The following DNAI2 variants were observed in gnomAD, a reference collection of about 807,000 sequenced individuals.
DNAI2 encodes dynein axonemal intermediate chain 2, also known as dynein, axonemal, intermediate polypeptide 2.
Under a neutral mutation model 74.7 loss-of-function variants are expected in DNAI2, and 63 were observed. The ratio of observed to expected loss-of-function variants is 0.84; its 90% CI spans 0.69 to 1.04. The LOEUF (loss-of-function observed/expected upper bound fraction) is 1.04, where lower values mean the gene tolerates loss of function less well. DNAI2 is among the 50% of genes least tolerant of loss of function. The pLI, the probability that DNAI2 is intolerant of heterozygous loss-of-function variation, is 0.00. For synonymous variants in DNAI2, 289 were observed against 314.9 expected (o/e 0.92, Z 0.87); for missense variants, 688 against 803.2 (o/e 0.86, Z 1.73).
chr17:74,281,761 G>C, intron 1 of DNAI2, 46 bp from the exon 2 acceptor site: 1 of 1,596,418 alleles, frequency 6.3e-7, no homozygotes, highest in South Asian at 1.1e-5. Context: ...AGATAGGGAA[G>C]GGGCCGGTGG....
chr17:74,279,911 C>T (rs549333712), intron 1 of DNAI2, among the ~76,000 whole-genome samples: 55 of 152,296 alleles, frequency 3.6e-4, no homozygotes, highest in African/African-American at 1.3e-3. Flanking sequence ...CCCACCAGCA[C>T]CAGCCACTCA....
intron 1 of DNAI2, among the ~76,000 whole-genome samples, chr17:74,274,863 G>C (rs888542006): frequency 7.9e-5 from 12 of 152,046 alleles, no homozygotes; most frequent in Non-Finnish European, 1.8e-4. Flanking sequence ...TCGTGTGATC[G>C]AGGTCATACA....
intron 8 of DNAI2, among the ~76,000 whole-genome samples, chr17:74,304,481 A>G (rs2053066093): frequency 6.6e-6 from 1 of 151,882 alleles, no homozygotes; most frequent in Admixed American, 6.6e-5. Context: ...AGAAGTTAAG[A>G]CAGAACAGTA....
intron 6 of DNAI2, among the ~76,000 whole-genome samples, chr17:74,293,619 G>A (rs562548558): frequency 3.1e-4 from 47 of 151,808 alleles, no homozygotes; most frequent in African/African-American, 1.1e-3. Context: ...CACGAGAATC[G>A]CTTGAACCTG....
At chr17:74,309,884 T>C in intron 10 of DNAI2, 133 bp from the exon 11 acceptor site, 2 of 1,205,570 alleles carry the variant, frequency 1.7e-6, no homozygotes, top group Non-Finnish European at 2.4e-6. Context: ...TTGAACTTCA[T>C]CCTGTGGGCA....
rs1170869234 is a variant in DNAI2, at chr17:74,292,824, T to C, written c.724+1691T>C. 2.7e-5 allele frequency among the ~76,000 whole-genome samples: 4 copies of C among 148,442 alleles called. No homozygotes were observed. In the South Asian group the frequency reaches 8.6e-4, roughly 32 times the overall value. ...AGACTATATTCTGCTTATTGTCCGG[T>C]GTAGTTTTCCTTTTTTTTTTTTTGG... On this transcript the variant is annotated intron_variant, in intron 6 of 13. Coordinates refer to ENST00000311014, the MANE Select transcript of DNAI2 (RefSeq NM_023036.6).
chr17:74,310,302 G>A (rs1273982899), intron 11 of DNAI2, 139 bp downstream of exon 11: 1 of 1,305,654 alleles, frequency 7.7e-7, no homozygotes, highest in South Asian at 1.3e-5. Flanking sequence ...GAAGCAGTGT[G>A]GGCTCCATAA....
chr17:74,309,536 C>A, intron 10 of DNAI2, 148 bp downstream of exon 10: 1 of 1,152,508 alleles, frequency 8.7e-7, no homozygotes, highest in Non-Finnish European at 1.3e-6. Context: ...AGGCTGACTG[C>A]AGCGATTGCT....
chr17:74,291,256 G>A (rs1389782447), intron 6 of DNAI2, 123 bp downstream of exon 6: 7 of 729,238 alleles, frequency 9.6e-6, no homozygotes, highest in Non-Finnish European at 1.4e-5. Context: ...CGCCTCCTGG[G>A]TTCAAGTGAT....
chr17:74,285,308 A>T, intron 3 of DNAI2, 107 bp downstream of exon 3: 4 of 1,413,870 alleles, frequency 2.8e-6, no homozygotes. Context: ...GGCTCGTGTG[A>T]ATGCTGGGGG....
intron 2 of DNAI2, among the ~76,000 whole-genome samples, chr17:74,284,771 T>C (rs1438367492): frequency 6.6e-6 from 1 of 152,166 alleles, no homozygotes; most frequent in Non-Finnish European, 1.5e-5. Flanking sequence ...TCTGGTCCAT[T>C]AGAATTCAGA....
intron 12 of DNAI2, among the ~76,000 whole-genome samples, chr17:74,312,510 GT>G (rs1010096782): frequency 5.9e-5 from 9 of 152,150 alleles, no homozygotes; most frequent in Non-Finnish European, 1.2e-4. Flanking sequence ...GAAAATGCGT[GT>G]TGAGTGACTG....
In DNAI2 at chr17:74,299,765, A is replaced by G. The variant is rs745364046; in HGVS notation, c.772A>G (p.Ile258Val). 1.9e-6 allele frequency: 3 copies of G among 1,604,012 alleles called. No homozygotes were observed. Among genetic ancestry groups the G allele is most frequent in the South Asian group, 1.1e-5 (1 of 90,556 alleles). ...KGSLVAELSTIESSHRDPVYG... is the reference protein window; with the variant it reads ...KGSLVAELSTVESSHRDPVYG... ...CAGCCTGGTGGCGGAGCTATCCACC[A>G]TTGAGTCCAGCCACCGAGACCCTGT... The change falls in exon 7 of 14, where the codon ATT becomes GTT. Residue 258 changes from isoleucine to valine, a missense_variant. By Grantham distance (29) the Ile-to-Val change is conservative. Coordinates refer to ENST00000311014, the MANE Select transcript of DNAI2 (RefSeq NM_023036.6).
intron 1 of DNAI2, among the ~76,000 whole-genome samples, chr17:74,279,900 TCC>T (rs1445177959): frequency 6.6e-6 from 1 of 152,154 alleles, no homozygotes; most frequent in Non-Finnish European, 1.5e-5. Flanking sequence ...TTTATCTTCC[TCC>T]CACCAGCACC....
chr17:74,279,191 A>G (rs1267845958), intron 1 of DNAI2, among the ~76,000 whole-genome samples: 2 of 152,122 alleles, frequency 1.3e-5, no homozygotes, highest in Admixed American at 6.6e-5. Flanking sequence ...AATAAAAATA[A>G]CTAACAAAGG....
chr17:74,286,524 A>AAGTG (rs1476798678), intron 3 of DNAI2, among the ~76,000 whole-genome samples: 1 of 151,766 alleles, frequency 6.6e-6, no homozygotes, highest in Non-Finnish European at 1.5e-5. Context: ...GGGTTCAAGC[A>AAGTG]ATTCTCCTGC....
intron 8 of DNAI2, among the ~76,000 whole-genome samples, chr17:74,302,953 C>G (rs1379493699): frequency 6.6e-6 from 1 of 152,174 alleles, no homozygotes; most frequent in Non-Finnish European, 1.5e-5. Context: ...GTTGGGGTGG[C>G]GAGGGCTCAG....
chr17:74,281,228 C>T (rs957747009), intron 1 of DNAI2, among the ~76,000 whole-genome samples: 9 of 152,096 alleles, frequency 5.9e-5, no homozygotes, highest in Admixed American at 5.9e-4. Flanking sequence ...GGCATCTAAG[C>T]ATCAAATGCC....
chr17:74,291,781 A>G (rs903070314), intron 6 of DNAI2, among the ~76,000 whole-genome samples: 6 of 152,240 alleles, frequency 3.9e-5, no homozygotes, highest in Non-Finnish European at 7.3e-5. Context: ...TGGGAAACCT[A>G]CATGCTAACG....
Sources: gnomAD v4.1 joint callset for allele counts (sites outside exome capture counted in the v4.1 genomes callset) on GRCh38, gnomAD v4.1.1 for gene constraint, MANE v1.5 for transcripts, NCBI Gene and HGNC (gene_info 2026-07-23, HGNC 2026-07-21) for gene names.